RBFOX1: variants seen among roughly 807,000 people sequenced by gnomAD.
The protein encoded by RBFOX1 is RNA binding fox-1 homolog 1.
Under a neutral mutation model 57.7 loss-of-function variants are expected in RBFOX1, and 8 were observed. The observed-to-expected ratio is 0.14, with a 90% CI of 0.08 to 0.25. The LOEUF is 0.25. RBFOX1 is among the 10% of genes least tolerant of loss of function. The pLI is 1.00. For synonymous variants in RBFOX1, 326 were observed against 222.4 expected, an observed-to-expected ratio of 1.47 and a Z score of -4.15; for missense variants, 611 against 548.5, an observed-to-expected ratio of 1.11 and a Z score of -1.14.
chr16:7,472,249 G>C (rs1039513108), intron 4 of RBFOX1, among the ~76,000 whole-genome samples: 2 of 152,148 alleles, frequency 1.3e-5, no homozygotes, highest in African/African-American at 2.4e-5. Flanking sequence ...TAGGATAAAA[G>C]GTGGCTAGGG....
intron 2 of RBFOX1, among the ~76,000 whole-genome samples, chr16:5,490,163 C>T (rs1055169617): frequency 2.0e-5 from 3 of 152,206 alleles, no homozygotes; most frequent in Non-Finnish European, 4.4e-5. Flanking sequence ...TCTGTGGCCA[C>T]GCAGTGATGG....
rs541473818 is a variant in RBFOX1 at position 5,444,733 on chromosome 16, A to C, written c.220-22483A>C. Among the ~76,000 whole-genome samples, 3 of 152,330 alleles carry C rather than the reference A, an allele frequency of 2.0e-5. No homozygotes were observed. In the South Asian group the frequency reaches 6.2e-4, roughly 32 times the overall value. ...ATGAGGAAGAGAACAGTCACCATGCACAGAGCATTTCTGTGTGCCAGGCAC... is the reference window on the plus strand; with the variant it reads ...ATGAGGAAGAGAACAGTCACCATGCCCAGAGCATTTCTGTGTGCCAGGCAC... On this transcript the variant is annotated intron_variant, in intron 1 of 2. Coordinates refer to the RBFOX1 transcript ENST00000585867.
intron 3 of RBFOX1, among the ~76,000 whole-genome samples, chr16:6,981,691 T>A (rs1445886009): frequency 6.6e-6 from 1 of 152,146 alleles, no homozygotes; most frequent in Non-Finnish European, 1.5e-5. Flanking sequence ...TATAAAACCA[T>A]CTTGTCACAT....
chr16:6,976,381 A>C (rs1261102525), intron 3 of RBFOX1, among the ~76,000 whole-genome samples: 1 of 152,166 alleles, frequency 6.6e-6, no homozygotes, highest in East Asian at 1.9e-4. Context: ...TACATGAAGC[A>C]AATATCATTT....
intron 2 of RBFOX1, among the ~76,000 whole-genome samples, chr16:6,550,076 G>A (rs1008313945): frequency 2.0e-5 from 3 of 152,176 alleles, no homozygotes; most frequent in East Asian, 1.9e-4. Context: ...CTAAAATGCT[G>A]TTCACTTGTG....
At chr16:6,143,111 C>T (rs557228245) in intron 1 of RBFOX1, among the ~76,000 whole-genome samples, 2 of 152,332 alleles carry the variant, frequency 1.3e-5, no homozygotes, top group South Asian at 4.1e-4. Flanking sequence ...GTAAGCTCCA[C>T]TTACTTCTGT....
intron 4 of RBFOX1, among the ~76,000 whole-genome samples, chr16:7,292,279 A>C (rs1251224110): frequency 7.6e-6 from 1 of 130,930 alleles, no homozygotes; most frequent in Non-Finnish European, 1.5e-5. Context: ...CGTATTATAT[A>C]TCATATATCA....
intron 2 of RBFOX1, among the ~76,000 whole-genome samples, chr16:5,522,648 T>G (rs1310034065): frequency 6.6e-6 from 1 of 152,196 alleles, no homozygotes; most frequent in Non-Finnish European, 1.5e-5. Flanking sequence ...CTTTCTTTGT[T>G]TGTACCCATT....
chr16:6,485,551 T>C (rs1455581240), intron 2 of RBFOX1, among the ~76,000 whole-genome samples: 1 of 149,702 alleles, frequency 6.7e-6, no homozygotes, highest in East Asian at 2.0e-4. Flanking sequence ...TCTTTCTTTC[T>C]TTCAGGAATT....
At chr16:5,790,044 G>A (rs1383740929) in intron 3 of RBFOX1, among the ~76,000 whole-genome samples, 2 of 152,170 alleles carry the variant, frequency 1.3e-5, no homozygotes, top group Non-Finnish European at 2.9e-5. Flanking sequence ...TGTGGAGCTG[G>A]CACCCAACCC....
chr16:6,969,702 C>G (rs1391995398), intron 3 of RBFOX1, among the ~76,000 whole-genome samples: 1 of 151,974 alleles, frequency 6.6e-6, no homozygotes, highest in Admixed American at 6.6e-5. Flanking sequence ...TGAAATAGTG[C>G]CACCTCACTC....
chr16:7,598,310 G>A (rs575669462), intron 9 of RBFOX1, among the ~76,000 whole-genome samples: 6 of 151,610 alleles, frequency 4.0e-5, no homozygotes, highest in East Asian at 3.9e-4. Context: ...AATGTTTGTC[G>A]CATAACTTTA....
At chr16:7,175,992 G>A (rs1001628085) in intron 4 of RBFOX1, among the ~76,000 whole-genome samples, 1 of 151,934 alleles carries the variant, frequency 6.6e-6, no homozygotes, top group South Asian at 2.1e-4. Flanking sequence ...TGGGAGGTGC[G>A]TGCTTAGCAG....
intron 1 of RBFOX1, among the ~76,000 whole-genome samples, chr16:6,029,113 C>T (rs997674244): frequency 2.0e-5 from 3 of 152,166 alleles, no homozygotes; most frequent in African/African-American, 7.2e-5. Flanking sequence ...TTGTGGTATT[C>T]AGACAATAGC....
chr16:7,433,739 C>T (rs562229816), intron 4 of RBFOX1, among the ~76,000 whole-genome samples: 1 of 152,310 alleles, frequency 6.6e-6, no homozygotes, highest in African/African-American at 2.4e-5. Flanking sequence ...TCCACCCAAC[C>T]ACCCATCCAT....
At chr16:7,067,363 C>G (rs530961070) in intron 4 of RBFOX1, among the ~76,000 whole-genome samples, 2 of 151,674 alleles carry the variant, frequency 1.3e-5, no homozygotes, top group African/African-American at 2.4e-5. Flanking sequence ...TTCTTTAGGT[C>G]AGAATTTCAA....
At chr16:6,412,963 C>T (rs74007339) in intron 2 of RBFOX1, among the ~76,000 whole-genome samples, 21,631 of 152,118 alleles carry the variant, frequency 0.14, 2,477 homozygotes, top group African/African-American at 0.31. Context: ...TTATGGAATA[C>T]TCTTGCCTCA....
intron 2 of RBFOX1, among the ~76,000 whole-genome samples, chr16:6,492,948 T>C (rs1436958334): frequency 6.6e-6 from 1 of 152,228 alleles, no homozygotes; most frequent in Non-Finnish European, 1.5e-5. Context: ...ATTATCTTTG[T>C]TGTAGCTGTG....
chr16:6,276,864 A>G (rs2075855707), intron 1 of RBFOX1, among the ~76,000 whole-genome samples: 1 of 151,352 alleles, frequency 6.6e-6, no homozygotes, highest in African/African-American at 2.4e-5. Flanking sequence ...TGAAATCTCC[A>G]TGAAGACAAG....
Sources: gnomAD v4.1 joint callset for allele counts (sites outside exome capture counted in the v4.1 genomes callset) on GRCh38, gnomAD v4.1.1 for gene constraint, MANE v1.5 for transcripts, NCBI Gene and HGNC (gene_info 2026-07-23, HGNC 2026-07-21) for gene names.